Variants in BEND6 observed in about 807,000 individuals in gnomAD.
BEND6 encodes BEN domain containing 6.
BEND6 carries 24 observed loss-of-function variants against 31.8 expected under a neutral mutation model. That is an observed-to-expected ratio of 0.75 (90% CI 0.55 to 1.06). BEND6 has a LOEUF of 1.06. Among genes scored for constraint, BEND6 ranks in the 50% least tolerant of loss-of-function variants. The pLI is 0.00. For missense variants in BEND6, 294 were observed against 327.4 expected (o/e 0.90, Z 0.79); for synonymous variants, 109 against 114.6 (o/e 0.95, Z 0.31).
intron 1 of BEND6, among the ~76,000 whole-genome samples, chr6:56,978,280 CTAAAA>C (rs916609925): frequency 1.6e-4 from 25 of 151,926 alleles, no homozygotes; most frequent in African/African-American, 4.6e-4. Flanking sequence ...AAGACCCTGT[CTAAAA>C]TAAAATAAAA....
At chr6:57,016,607 C>T (rs983501370) in intron 4 of BEND6, among the ~76,000 whole-genome samples, 2 of 152,202 alleles carry the variant, frequency 1.3e-5, no homozygotes, top group African/African-American at 2.4e-5. Context: ...CCCACTTCGG[C>T]CATCTTCAAA....
At chr6:56,991,761 A>G (rs1826510773) in intron 2 of BEND6, among the ~76,000 whole-genome samples, 1 of 152,134 alleles carries the variant, frequency 6.6e-6, no homozygotes, top group African/African-American at 2.4e-5. Flanking sequence ...CACAATGAAC[A>G]CACCCATATA....
At chr6:56,992,251 G>C (rs1826532020) in intron 2 of BEND6, 127 bp from the exon 3 acceptor site, 1 of 1,073,654 alleles carries the variant, frequency 9.3e-7, no homozygotes, top group Non-Finnish European at 1.3e-6. Flanking sequence ...GCTGGGGCTA[G>C]ATCAGCAGCA....
In BEND6 at chr6:57,018,468, AG is replaced by A; in HGVS notation, c.761del (p.Arg254LysfsTer2). 6.3e-7 allele frequency: 1 copy of A among 1,590,634 alleles called. No homozygotes were observed. The highest frequency in any genetic ancestry group is 8.5e-7 in the Non-Finnish European group (1 of 1,172,714). On this transcript the variant is annotated frameshift_variant, in exon 6 of 7. Transcript: ENST00000370746. LOFTEE classifies it high-confidence loss of function. Reference protein sequence around the residue: ...FPNTDDVSIRRMIGQKLNNCT... With the variant: ...FPNTDDVSIRXMIGQKLNNCT... ...CAATACGGATGATGTTTCAATTAGG[AG>A]AATGATAGGGCAAAAGCTAAACAAC...
At chr6:56,983,638 T>C (rs553093273) in intron 2 of BEND6, among the ~76,000 whole-genome samples, 1 of 152,318 alleles carries the variant, frequency 6.6e-6, no homozygotes, top group Admixed American at 6.5e-5. Flanking sequence ...AATAGCAAGA[T>C]CTTGTTCTTT....
Position 57,001,459 on chromosome 6 carries a change from G to A in BEND6, c.298+8904G>A, listed in dbSNP as rs188899071. 3.9e-3 allele frequency among the ~76,000 whole-genome samples: 600 copies of A among 151,984 alleles called. 5 individuals carry two copies. The highest frequency in any genetic ancestry group is 0.013 in the African/African-American group (551 of 41,440). ...ATTACAGGCATGAGCCACTGAACCTGGCAAGAAAAAAAATCTTAAAAGCCA... is the reference window on the plus strand; with the variant it reads ...ATTACAGGCATGAGCCACTGAACCTAGCAAGAAAAAAAATCTTAAAAGCCA... On this transcript the variant is annotated intron_variant, in intron 3 of 6. Coordinates refer to ENST00000370746, the MANE Select transcript of BEND6 (RefSeq NM_152731.3).
At chr6:57,003,083 A>G (rs566444406) in intron 3 of BEND6, among the ~76,000 whole-genome samples, 1 of 152,322 alleles carries the variant, frequency 6.6e-6, no homozygotes, top group South Asian at 2.1e-4. Context: ...ACACCTCTAC[A>G]CATACAAACT....
Position 57,015,093 on chromosome 6 carries a change from C to T in BEND6, c.299-40C>T, listed in dbSNP as rs757958602. The T allele has an allele frequency of 2.6e-6, 4 of 1,544,576 alleles. No individual in the cohort carries two copies. In the Admixed American group the frequency reaches 6.8e-5, roughly 26 times the overall value. ...AAATATGTACATATGCACCTATTAT[C>T]AATGGTATTTGTAAAGTGTACTTTT... is the stretch of plus-strand genomic sequence containing the variant. On this transcript the variant is annotated intron_variant, in intron 3 of 6. Coordinates refer to ENST00000370746, the MANE Select transcript of BEND6 (RefSeq NM_152731.3).
intron 3 of BEND6, among the ~76,000 whole-genome samples, chr6:57,000,893 A>G (rs1331553448): frequency 6.6e-6 from 1 of 151,674 alleles, no homozygotes; most frequent in African/African-American, 2.4e-5. Context: ...TGAAAAAAAA[A>G]AAAAAAAAAG....
At chr6:56,963,200 C>G (rs992542578) in intron 1 of BEND6, among the ~76,000 whole-genome samples, 4 of 152,192 alleles carry the variant, frequency 2.6e-5, no homozygotes, top group Non-Finnish European at 5.9e-5. Context: ...GAAATCCTCT[C>G]AGTTGGAGCT....
intron 3 of BEND6, among the ~76,000 whole-genome samples, chr6:57,001,723 C>CA (rs1277677174): frequency 1.3e-5 from 2 of 152,210 alleles, no homozygotes; most frequent in Non-Finnish European, 2.9e-5. Flanking sequence ...ACCAGCCTTA[C>CA]AAGAGATTCT....
chr6:57,015,468 T>C (rs1827518901), intron 4 of BEND6, 115 bp downstream of exon 4: 2 of 1,051,316 alleles, frequency 1.9e-6, no homozygotes, highest in South Asian at 3.3e-5. Context: ...AATAGTTTTA[T>C]TCAATAGGAA....
Position 56,981,718 on chromosome 6 carries a change from A to T in BEND6, c.-93A>T, listed in dbSNP as rs903563637. On this transcript the variant is annotated 5_prime_UTR_variant, in exon 2 of 7. Coordinates refer to ENST00000370746, the MANE Select transcript of BEND6 (RefSeq NM_152731.3). ...TTTGTTTTTGTTTTTAAGGGAAAGCATTAACTTTTGAGCTACGTCCAGAAT... is the reference window on the plus strand; with the variant it reads ...TTTGTTTTTGTTTTTAAGGGAAAGCTTTAACTTTTGAGCTACGTCCAGAAT... The T allele has an allele frequency of 5.5e-6, 8 of 1,447,220 alleles. No homozygotes were observed. In the African/African-American group the frequency reaches 1.0e-4, roughly 18 times the overall value. The allele number at this position is 1,447,220 out of a possible 1,614,324, so 89.6% of individuals were successfully genotyped here. A position where few individuals can be genotyped will look rare whatever the true frequency, so the allele number is the denominator to read the frequency against.
chr6:56,977,678 C>T (rs546263454), intron 1 of BEND6, among the ~76,000 whole-genome samples: 1 of 152,244 alleles, frequency 6.6e-6, no homozygotes, highest in South Asian at 2.1e-4. Flanking sequence ...TATGATTCAG[C>T]CAGACACAAT....
At chr6:56,967,680 A>AGTCTCT (rs1825534150) in intron 1 of BEND6, among the ~76,000 whole-genome samples, 1 of 152,222 alleles carries the variant, frequency 6.6e-6, no homozygotes, top group Non-Finnish European at 1.5e-5. Flanking sequence ...CCAAGACTCC[A>AGTCTCT]GTCTCTGTGG....
intron 6 of BEND6, among the ~76,000 whole-genome samples, 164 bp from the exon 7 acceptor site, chr6:57,025,918 C>T (rs1827887381): frequency 6.6e-6 from 1 of 151,952 alleles, no homozygotes; most frequent in Non-Finnish European, 1.5e-5. Context: ...GGGAGTGAAG[C>T]CAGCTTGCTT....
intron 3 of BEND6, among the ~76,000 whole-genome samples, chr6:56,997,803 C>T (rs1412959737): frequency 2.0e-5 from 3 of 152,120 alleles, no homozygotes; most frequent in Admixed American, 6.6e-5. Flanking sequence ...CCACCCACCT[C>T]GGCCTCCAAA....
At chr6:56,988,317 T>G (rs12528049) in intron 2 of BEND6, among the ~76,000 whole-genome samples, 1 of 151,938 alleles carries the variant, frequency 6.6e-6, no homozygotes, top group Non-Finnish European at 1.5e-5. Flanking sequence ...CGCCCAGCCG[T>G]GAGTGCTTTT....
At chr6:57,006,842 A>G (rs1827176916) in intron 3 of BEND6, among the ~76,000 whole-genome samples, 1 of 152,256 alleles carries the variant, frequency 6.6e-6, no homozygotes, top group South Asian at 2.1e-4. Flanking sequence ...ACCAAGCTGT[A>G]ATAGCCAAAG....
Sources: gnomAD v4.1 joint callset for allele counts (sites outside exome capture counted in the v4.1 genomes callset) on GRCh38, gnomAD v4.1.1 for gene constraint, MANE v1.5 for transcripts, NCBI Gene and HGNC (gene_info 2026-07-23, HGNC 2026-07-21) for gene names.